WDFY4: variants seen among roughly 807,000 people sequenced by gnomAD.
WDFY4 encodes the protein WDFY family member 4.
Under a neutral mutation model 351.9 loss-of-function variants are expected in WDFY4, and 169 were observed. The ratio of observed to expected loss-of-function variants is 0.48; its 90% CI spans 0.42 to 0.55. The LOEUF (loss-of-function observed/expected upper bound fraction) is 0.55. Among genes scored for constraint, WDFY4 ranks in the 20% least tolerant of loss-of-function variants. The pLI, the probability that WDFY4 is intolerant of heterozygous loss-of-function variation, is 0.00. For synonymous variants in WDFY4, 1,622 were observed against 1,574.6 expected, an observed-to-expected ratio of 1.03 and a Z score of -0.71; for missense variants, 3,803 against 3,935.6, an observed-to-expected ratio of 0.97 and a Z score of 0.90.
chr10:48,877,668 A>G (rs1464676832), intron 43 of WDFY4, among the ~76,000 whole-genome samples: 1 of 152,200 alleles, frequency 6.6e-6, no homozygotes, highest in East Asian at 1.9e-4. Context: ...CACCTTGGCC[A>G]CCACTCAAGC....
chr10:48,943,536 C>T (rs1211331209), intron 49 of WDFY4, 87 bp downstream of exon 49: 3 of 1,385,010 alleles, frequency 2.2e-6, no homozygotes, highest in Non-Finnish European at 2.9e-6. Context: ...AGAGCCTCTG[C>T]TAGGAGGTTC....
intron 39 of WDFY4, among the ~76,000 whole-genome samples, chr10:48,865,218 T>A (rs776771643): frequency 2.0e-5 from 3 of 152,200 alleles, no homozygotes; most frequent in Non-Finnish European, 2.9e-5. Flanking sequence ...TAGTTACCCT[T>A]TATGAGATTG....
intron 60 of WDFY4, 102 bp downstream of exon 60, chr10:48,978,495 GC>G: frequency 8.5e-7 from 1 of 1,174,914 alleles, no homozygotes; most frequent in Non-Finnish European, 1.2e-6. Flanking sequence ...TCCCAGGTCT[GC>G]CCAGCCTAGG....
chr10:48,969,743 C>A (rs1259399688), intron 56 of WDFY4, among the ~76,000 whole-genome samples: 1 of 41,354 alleles, frequency 2.4e-5, no homozygotes, highest in Non-Finnish European at 1.2e-4. Flanking sequence ...CAGCTCCCCT[C>A]CCCTAATCCC....
rs145431723 is a variant in WDFY4, at chr10:48,830,113, C to T, written c.6341-587C>T. 6.6e-3 allele frequency among the ~76,000 whole-genome samples: 998 copies of T among 152,258 alleles called. 13 individuals carry two copies. Among genetic ancestry groups the T allele is most frequent in the African/African-American group, 0.023 (939 of 41,540 alleles). ...AATTTAGGCATGGTTCAGGGGATTACAGATGTGGGGCACAGCAGACACAGT... is the reference window on the plus strand; with the variant it reads ...AATTTAGGCATGGTTCAGGGGATTATAGATGTGGGGCACAGCAGACACAGT... On this transcript the variant is annotated intron_variant, in intron 37 of 61. Coordinates refer to ENST00000325239, the MANE Select transcript of WDFY4 (RefSeq NM_001394531.1).
chr10:48,708,940 T>G (rs1434109718), intron 1 of WDFY4, among the ~76,000 whole-genome samples: 1 of 152,004 alleles, frequency 6.6e-6, no homozygotes, highest in Non-Finnish European at 1.5e-5. Context: ...ACTATTTACA[T>G]CTCTTTTATG....
Position 48,943,454 on chromosome 10 carries a change from G to T in WDFY4, c.7749+5G>T, listed in dbSNP as rs369407553. On this transcript the variant is annotated splice_donor_5th_base_variant and intron_variant, in intron 49 of 61. Transcript: ENST00000325239. ...CTCGCAGACTACACCTCAGAGGTAA[G>T]TTCCTCACGTGGAAACCACAGCTGC... 6.4e-7 allele frequency: 1 copy of T among 1,551,040 alleles called. No homozygotes were observed. Among genetic ancestry groups the T allele is most frequent in the South Asian group, 1.2e-5 (1 of 83,940 alleles).
chr10:48,930,169 A>G (rs1220234937), intron 47 of WDFY4, among the ~76,000 whole-genome samples: 1 of 152,202 alleles, frequency 6.6e-6, no homozygotes, highest in Non-Finnish European at 1.5e-5. Context: ...ATGCCCTCAG[A>G]AAGGGTCTCA....
chr10:48,706,634 A>G (rs1445012612), intron 1 of WDFY4, among the ~76,000 whole-genome samples: 1 of 152,206 alleles, frequency 6.6e-6, no homozygotes, highest in Non-Finnish European at 1.5e-5. Flanking sequence ...CCTTGATAGG[A>G]TTGGTGTTTC....
chr10:48,865,000 C>T (rs983053295), intron 39 of WDFY4, among the ~76,000 whole-genome samples: 2 of 152,120 alleles, frequency 1.3e-5, no homozygotes, highest in African/African-American at 4.8e-5. Context: ...AGAATCCTGC[C>T]ATCTGTGAAC....
intron 35 of WDFY4, chr10:48,823,864 G>T: frequency 1.0e-6 from 1 of 986,142 alleles, no homozygotes; most frequent in Non-Finnish European, 1.2e-6. Context: ...ACCCATCTGA[G>T]GAGCAGGAGA....
At chr10:48,796,767 A>G (rs1212136513) in intron 24 of WDFY4, among the ~76,000 whole-genome samples, 1 of 152,164 alleles carries the variant, frequency 6.6e-6, no homozygotes, top group African/African-American at 2.4e-5. Flanking sequence ...TTTAAACTAT[A>G]AATTGGCATA....
chr10:48,775,707 T>C lies in WDFY4; in HGVS notation c.2769-5T>C. The C allele has an allele frequency of 1.3e-6, 2 of 1,551,342 alleles. No individual in the cohort carries two copies. The highest frequency in any genetic ancestry group is 1.7e-6 in the Non-Finnish European group (2 of 1,146,670). ...TCATTTTTTCCTCTTGTATGTTATG[T>C]TCAGACAGTTTCTAGGTCTTGGAAT... On this transcript the variant is annotated splice_polypyrimidine_tract_variant and splice_region_variant and intron_variant, in intron 14 of 61. Coordinates refer to ENST00000325239, the MANE Select transcript of WDFY4 (RefSeq NM_001394531.1).
Position 48,735,896 on chromosome 10 carries a change from C to T in WDFY4, c.1704C>T (p.His568=), listed in dbSNP as rs569142485. The change falls in exon 11 of 62, where the codon CAC becomes CAT. Residue 568 remains histidine, a synonymous_variant. Coordinates refer to ENST00000325239, the MANE Select transcript of WDFY4 (RefSeq NM_001394531.1). ...GATCCTTAGTTGTCCTGAAGGACCA[C>T]GGCATGGTGCCCTTCATCAAGATCT... ...SVRNAVVLKD[H]GMVPFIKIFL... The T allele has an allele frequency of 7.0e-5, 108 of 1,551,654 alleles. 1 individual carries two copies. The highest frequency in any genetic ancestry group is 8.1e-5 in the Non-Finnish European group (93 of 1,146,976).
intron 39 of WDFY4, among the ~76,000 whole-genome samples, chr10:48,850,722 C>T (rs1314285753): frequency 1.3e-5 from 2 of 152,150 alleles, no homozygotes; most frequent in Admixed American, 6.5e-5. Context: ...TCTCACTCAG[C>T]GACACTGGCT....
chr10:48,713,952 A>G (rs556598726), intron 2 of WDFY4, among the ~76,000 whole-genome samples: 1 of 152,354 alleles, frequency 6.6e-6, no homozygotes, highest in African/African-American at 2.4e-5. Flanking sequence ...AGGCACCCTG[A>G]TGCCCAGGTG....
At position 48,962,873 on chromosome 10, in the gene WDFY4, C is replaced by T. The variant is rs751934988; in HGVS notation, c.8224-969C>T. ...CTGTGAGTGCGTGGGTGAGAAACTC[C>T]TTGCCTGCTGCATGCCCCCAGCTAG... On this transcript the variant is annotated intron_variant, in intron 53 of 61. Coordinates refer to ENST00000325239, the MANE Select transcript of WDFY4 (RefSeq NM_001394531.1). Among the ~76,000 whole-genome samples, 140 of 152,200 alleles carry T rather than the reference C, an allele frequency of 9.2e-4. 4 individuals carry two copies. Among genetic ancestry groups the T allele is most frequent in the Non-Finnish European group, 2.4e-4 (16 of 68,040 alleles).
chr10:48,952,802 C>T (rs1172007141), intron 51 of WDFY4, among the ~76,000 whole-genome samples: 1 of 152,162 alleles, frequency 6.6e-6, no homozygotes, highest in African/African-American at 2.4e-5. Flanking sequence ...GAGAGCAAGA[C>T]CAAGGAGGCA....
At chr10:48,791,459 G>A (rs573782484) in intron 23 of WDFY4, among the ~76,000 whole-genome samples, 13 of 152,304 alleles carry the variant, frequency 8.5e-5, no homozygotes, top group South Asian at 2.1e-4. Flanking sequence ...CTCTTTGTGC[G>A]TCAGTTCCCT....
Sources: allele counts gnomAD v4.1 joint callset (sites outside exome capture counted in the v4.1 genomes callset), GRCh38; gene constraint gnomAD v4.1.1; transcripts MANE v1.5; gene names NCBI Gene and HGNC (gene_info 2026-07-23, HGNC 2026-07-21).